Variants in PALS2 observed in about 807,000 individuals in gnomAD.
PALS2 encodes the protein protein associated with LIN7 2, MAGUK p55 family member, also known as protein PALS2.
A neutral mutation model predicts 61.6 loss-of-function variants in PALS2; 27 were observed. The observed-to-expected ratio is 0.44, with a 90% CI of 0.32 to 0.60. The LOEUF is 0.60. Among genes scored for constraint, PALS2 ranks in the 20% least tolerant of loss-of-function variants. PALS2 has a pLI of 0.05. For synonymous variants in PALS2, 236 were observed against 218.6 expected, an observed-to-expected ratio of 1.08 and a Z score of -0.70; for missense variants, 554 against 639.4, an observed-to-expected ratio of 0.87 and a Z score of 1.44.
chr7:24,590,675 G>T (rs1223660509), intron 1 of PALS2, among the ~76,000 whole-genome samples: 1 of 152,056 alleles, frequency 6.6e-6, no homozygotes, highest in African/African-American at 2.4e-5. Context: ...AGCTTCATGT[G>T]GGAAGGTCTA....
At chr7:24,612,496 T>A (rs1366124974) in intron 1 of PALS2, among the ~76,000 whole-genome samples, 6 of 151,862 alleles carry the variant, frequency 4.0e-5, no homozygotes, top group Non-Finnish European at 8.9e-5. Context: ...CATTTTTTTT[T>A]AAAGAATAAT....
chr7:24,657,686 C>G (rs1479440571), intron 5 of PALS2, among the ~76,000 whole-genome samples: 3 of 152,122 alleles, frequency 2.0e-5, no homozygotes, highest in Non-Finnish European at 4.4e-5. Context: ...ATTCAAAGAG[C>G]AGAAGTTCTG....
In PALS2 at chr7:24,662,903, C is replaced by T. The variant is rs554136426; in HGVS notation, c.652-687C>T. Among the ~76,000 whole-genome samples, 21 of 151,838 alleles carry T rather than the reference C, an allele frequency of 1.4e-4. No individual in the cohort carries two copies. The South Asian group carries it at 2.9e-3, about 21-fold the overall frequency. ...CAAATAAGCAAAATAGCCCAAATTT[C>T]GGAGATCATAACTAACAGTGTTAAC... On this transcript the variant is annotated intron_variant, in intron 5 of 11. Coordinates refer to ENST00000222644, the MANE Select transcript of PALS2 (RefSeq NM_001303037.2).
At chr7:24,678,317 G>A (rs1403721476) in intron 9 of PALS2, among the ~76,000 whole-genome samples, 3 of 152,114 alleles carry the variant, frequency 2.0e-5, no homozygotes, top group Non-Finnish European at 4.4e-5. Context: ...TCTAAATTTT[G>A]ACTTGAGCTA....
At chr7:24,588,638 T>G (rs2128042499) in intron 1 of PALS2, among the ~76,000 whole-genome samples, 1 of 152,296 alleles carries the variant, frequency 6.6e-6, no homozygotes, top group African/African-American at 2.4e-5. Context: ...TATCTTGGAG[T>G]TCTTTTAGAA....
intron 1 of PALS2, among the ~76,000 whole-genome samples, chr7:24,592,254 C>CTG (rs1783316859): frequency 6.6e-6 from 1 of 152,080 alleles, no homozygotes; most frequent in Admixed American, 6.6e-5. Context: ...GTGGTAAGTG[C>CTG]TGTATATTGT....
Position 24,653,890 on chromosome 7 carries a change from G to C in PALS2, c.651+3178G>C, listed in dbSNP as rs11760557. On this transcript the variant is annotated intron_variant, in intron 5 of 11. Coordinates refer to ENST00000222644, the MANE Select transcript of PALS2 (RefSeq NM_001303037.2). ...GCCACCCAGTGTCTTAAACCAGCTT[G>C]GTGTCAACAAGCTTAAGGAAACTGG... Among the ~76,000 whole-genome samples, 276 of 152,206 alleles carry C rather than the reference G, an allele frequency of 1.8e-3. 1 individual carries two copies. The highest frequency in any genetic ancestry group is 2.8e-3 in the Non-Finnish European group (193 of 68,016).
chr7:24,615,722 A>C (rs1474704840), intron 1 of PALS2, among the ~76,000 whole-genome samples: 1 of 152,024 alleles, frequency 6.6e-6, no homozygotes, highest in African/African-American at 2.4e-5. Flanking sequence ...AGGCCAAAAT[A>C]ACCCTGATAC....
intron 1 of PALS2, among the ~76,000 whole-genome samples, chr7:24,615,843 CA>C (rs1384052601): frequency 6.6e-6 from 1 of 152,024 alleles, no homozygotes; most frequent in Non-Finnish European, 1.5e-5. Context: ...AACAACACAT[CA>C]AAAAGATCAT....
intron 1 of PALS2, among the ~76,000 whole-genome samples, chr7:24,622,825 T>C (rs79723845): frequency 0.018 from 2,811 of 152,022 alleles, 98 homozygotes; most frequent in African/African-American, 0.065. Flanking sequence ...GGGTTTTTCA[T>C]AGAAGCCTTT....
At chr7:24,654,063 A>G (rs1380496895) in intron 5 of PALS2, among the ~76,000 whole-genome samples, 1 of 152,204 alleles carries the variant, frequency 6.6e-6, no homozygotes, top group Non-Finnish European at 1.5e-5. Flanking sequence ...TGCTTTTAAA[A>G]TTTTTGTTTT....
In PALS2 at chr7:24,671,625, C is replaced by T. The variant is rs548554180; in HGVS notation, c.1114+2965C>T. On this transcript the variant is annotated intron_variant, in intron 9 of 11. Coordinates refer to ENST00000222644, the MANE Select transcript of PALS2 (RefSeq NM_001303037.2). ...CAAGGCTTTCCCTAACCCAAGGCCA[C>T]AAAATTTTACTCCTGTATTTTATTT... Among the ~76,000 whole-genome samples the T allele has an allele frequency of 2.0e-5, 3 of 152,222 alleles. No homozygotes were observed. The East Asian group carries it at 5.8e-4, about 29-fold the overall frequency.
chr7:24,595,338 A>G (rs1331605142), intron 1 of PALS2, among the ~76,000 whole-genome samples: 1 of 148,740 alleles, frequency 6.7e-6, no homozygotes, highest in Non-Finnish European at 1.5e-5. Context: ...AGATGTAGGC[A>G]AGGAAATACA....
intron 10 of PALS2, among the ~76,000 whole-genome samples, chr7:24,679,715 C>A (rs1787815116): frequency 8.6e-6 from 1 of 115,842 alleles, no homozygotes; most frequent in South Asian, 2.7e-4. Context: ...CACATGCACA[C>A]CTCTACACTA....
At chr7:24,643,738 T>G (rs1785683808) in intron 3 of PALS2, among the ~76,000 whole-genome samples, 1 of 152,158 alleles carries the variant, frequency 6.6e-6, no homozygotes, top group Admixed American at 6.5e-5. Flanking sequence ...ACCCCCGGAT[T>G]TGTTTAGTTA....
At position 24,648,615 on chromosome 7, in the gene PALS2, A is replaced by G. The variant is rs537389437; in HGVS notation, c.271-997A>G. 3.3e-5 allele frequency among the ~76,000 whole-genome samples: 5 copies of G among 152,222 alleles called. No individual in the cohort carries two copies. The South Asian group carries it at 1.0e-3, about 32-fold the overall frequency. On this transcript the variant is annotated intron_variant, in intron 3 of 11. Coordinates refer to ENST00000222644, the MANE Select transcript of PALS2 (RefSeq NM_001303037.2). ...GCCCTAAAAATTATTCTTTTAGGATAAGAAATGAAAAAAAATTTAACATTT... is the reference window on the plus strand; with the variant it reads ...GCCCTAAAAATTATTCTTTTAGGATGAGAAATGAAAAAAAATTTAACATTT...
At chr7:24,585,037 C>T (rs563244666) in intron 1 of PALS2, among the ~76,000 whole-genome samples, 45 of 152,078 alleles carry the variant, frequency 3.0e-4, no homozygotes, top group African/African-American at 1.1e-3. Flanking sequence ...TGTTTTGGTA[C>T]CAGTCCCATG....
chr7:24,650,655 T>C lies in PALS2; in HGVS notation c.594T>C (p.Ser198=), dbSNP rs148882588. The C allele has an allele frequency of 6.2e-7, 1 of 1,611,744 alleles. No individual in the cohort carries two copies. Among genetic ancestry groups the C allele is most frequent in the African/African-American group, 1.3e-5 (1 of 74,832 alleles). The change falls in exon 5 of 12, where the codon AGT becomes AGC. Residue 198 remains serine, a synonymous_variant. Coordinates refer to ENST00000222644, the MANE Select transcript of PALS2 (RefSeq NM_001303037.2). Reference sequence around the variant, plus strand: ...TACAAGAATTACTGAAAAATATTAGTGGAAGTGTCACCCTAAAAATCTTAC... The same window carrying C: ...TACAAGAATTACTGAAAAATATTAGCGGAAGTGTCACCCTAAAAATCTTAC... ...KELQELLKNI[S]GSVTLKILPS... is the part of the protein sequence containing the mutation.
chr7:24,668,364 A>C (rs201892343), intron 8 of PALS2, 135 bp from the exon 9 acceptor site: 1 of 763,384 alleles, frequency 1.3e-6, no homozygotes, highest in African/African-American at 1.8e-5. Flanking sequence ...TGTAAAAACA[A>C]ATCTATGCTA....
Sources: gnomAD v4.1 joint callset for allele counts (sites outside exome capture counted in the v4.1 genomes callset) on GRCh38, gnomAD v4.1.1 for gene constraint, MANE v1.5 for transcripts, NCBI Gene and HGNC (gene_info 2026-07-23, HGNC 2026-07-21) for gene names.